BOD1L1: variants seen among roughly 807,000 people sequenced by gnomAD.
BOD1L1 encodes biorientation of chromosomes in cell division protein 1-like 1.
A neutral mutation model predicts 240.7 loss-of-function variants in BOD1L1; 86 were observed. The ratio of observed to expected loss-of-function variants is 0.36; its 90% confidence interval spans 0.30 to 0.43. The LOEUF is 0.43. BOD1L1 is among the 20% of genes least tolerant of loss of function. The pLI, the probability that BOD1L1 is intolerant of heterozygous loss-of-function variation, is 1.00. For missense variants in BOD1L1, 3,554 were observed against 3,643.5 expected (o/e 0.98, Z 0.63); for synonymous variants, 1,268 against 1,272.3 (o/e 1.00, Z 0.07).
intron 2 of BOD1L1, among the ~76,000 whole-genome samples, chr4:13,618,749 T>G (rs1422269057): frequency 6.6e-6 from 1 of 152,172 alleles, no homozygotes; most frequent in Non-Finnish European, 1.5e-5. Context: ...GGTGTGAATT[T>G]TGATTTGTGG....
In BOD1L1 at chr4:13,602,306, G is replaced by C. The variant is rs780599746; in HGVS notation, c.4594C>G (p.Pro1532Ala). Residue 1532 changes from proline to alanine, a missense_variant, in exon 10 of 26, where the codon CCA (proline) becomes GCA (alanine). Pro to Ala is a conservative substitution (Grantham distance 27). This residue lies in a region of BOD1L1 where 3,393 missense variants were observed against 3,427.1 expected (regional missense o/e 0.99). Transcript: ENST00000040738. ...GTTGTGGCAGGCCCAGCCTTCACTG[G>C]ACTTAAGGTGACATCTTTGTCCTTC... ...EGKDKDVTLSPVKAGPATTTS... is the reference protein window; with the variant it reads ...EGKDKDVTLSAVKAGPATTTS... 2 of 1,613,918 alleles carry C rather than the reference G, an allele frequency of 1.2e-6. No homozygotes were observed. The highest frequency in any genetic ancestry group is 1.7e-6 in the Non-Finnish European group (2 of 1,179,860).
chr4:13,608,153 G>C (rs1715862696), intron 8 of BOD1L1, among the ~76,000 whole-genome samples: 1 of 152,098 alleles, frequency 6.6e-6, no homozygotes, highest in Non-Finnish European at 1.5e-5. Flanking sequence ...GGAAAGACTG[G>C]AAATAATAAT....
chr4:13,597,029 GTA>G (rs1201412388), intron 11 of BOD1L1, 73 bp downstream of exon 11: 8 of 1,128,682 alleles, frequency 7.1e-6, no homozygotes, highest in African/African-American at 1.5e-5. Context: ...TACCACATAA[GTA>G]TATATATGTG....
chr4:13,626,888 C>T (rs993576995), intron 1 of BOD1L1, among the ~76,000 whole-genome samples: 7 of 152,184 alleles, frequency 4.6e-5, no homozygotes, highest in African/African-American at 1.7e-4. Context: ...TTTGCGCTCC[C>T]ACCCCCACGA....
chr4:13,614,238 T>C lies in BOD1L1; in HGVS notation c.1132A>G (p.Lys378Glu). ...EVESLKLPSEKNSNKAKTVEG... is the reference protein window; with the variant it reads ...EVESLKLPSEENSNKAKTVEG... Reference sequence around the variant, plus strand: ...ACAGTTTTAGCTTTATTACTGTTCTTTTCTGAAGGAAGTTTTAAACTCTCT... The same window carrying C: ...ACAGTTTTAGCTTTATTACTGTTCTCTTCTGAAGGAAGTTTTAAACTCTCT... Residue 378 changes from lysine to glutamate, a missense_variant, in exon 4 of 26, where the codon AAG becomes GAG. Lys to Glu is a moderately conservative substitution (Grantham distance 56). Transcript: ENST00000040738. The C allele has an allele frequency of 6.5e-7, 1 of 1,532,918 alleles. No homozygotes were observed. Among genetic ancestry groups the C allele is most frequent in the Middle Eastern group, 1.7e-4 (1 of 5,798 alleles). The allele number at this position is 1,532,918 out of a possible 1,614,324, so 95.0% of individuals were successfully genotyped here.
At chr4:13,615,637 T>G in intron 2 of BOD1L1, 135 bp from the exon 3 acceptor site, 1 of 836,228 alleles carries the variant, frequency 1.2e-6, no homozygotes, top group Non-Finnish European at 1.8e-6. Flanking sequence ...TCCATTTACT[T>G]GGATATAGAC....
intron 9 of BOD1L1, 67 bp downstream of exon 9, chr4:13,607,050 C>T (rs1265990117): frequency 6.7e-6 from 7 of 1,044,982 alleles, no homozygotes; most frequent in Non-Finnish European, 8.1e-6. Flanking sequence ...CTAAGTTTTA[C>T]TCCAAAGGAA....
At position 13,595,877 on chromosome 4, in the gene BOD1L1, C is replaced by A; in HGVS notation, c.8087G>T (p.Gly2696Val). ...ILAPPESLCG[G>V]KPSGIAELQR... is the part of the protein sequence containing the mutation. ...GAGCTCACCTATTCCACTTGGCTTT[C>A]CCCCACACAGACTTTCTGGTGGTGC... Residue 2696 changes from glycine (G) to valine (V), a missense_variant, in exon 12 of 26, where the codon GGA becomes GTA. Around this residue, in one of 2 missense-constraint regions of BOD1L1, gnomAD observed 3,393 missense variants for 3,427.1 expected, o/e 0.99. Transcript: ENST00000040738. The A allele has an allele frequency of 6.2e-7, 1 of 1,613,634 alleles. No homozygotes were observed. Among genetic ancestry groups the A allele is most frequent in the Non-Finnish European group, 8.5e-7 (1 of 1,179,754 alleles).
chr4:13,574,659 T>C (rs1032115216), intron 25 of BOD1L1, among the ~76,000 whole-genome samples: 1 of 152,146 alleles, frequency 6.6e-6, no homozygotes, highest in African/African-American at 2.4e-5. Context: ...TATACCCAAA[T>C]GCATGGGTGT....
At position 13,602,377 on chromosome 4, in the gene BOD1L1, C is replaced by G. The variant is rs1418531749; in HGVS notation, c.4523G>C (p.Gly1508Ala). Reference protein sequence around the residue: ...RNGQTEDVATGPRRAEKTSVA... With the variant: ...RNGQTEDVATAPRRAEKTSVA... ...AGAAGTCTTTTCTGCTCTCCTAGGC[C>G]CAGTTGCCACATCCTCAGTTTGTCC... Residue 1508 changes from glycine to alanine, a missense_variant, in exon 10 of 26, where the codon GGG (glycine) becomes GCG (alanine). Physicochemically the swap from Gly to Ala is moderately conservative, Grantham distance 60 (BLOSUM62 0). Transcript: ENST00000040738. 3.7e-6 allele frequency: 6 copies of G among 1,613,802 alleles called. No homozygotes were observed. Among genetic ancestry groups the G allele is most frequent in the Admixed American group, 1.7e-5 (1 of 60,002 alleles).
Position 13,573,442 on chromosome 4 carries a change from G to GTCTGTCTATCTATCTATCTA in BOD1L1, c.9039-3315_9039-3314insTAGATAGATAGATAGACAGA, listed in dbSNP as rs1384944208. The stretch of plus-strand genomic sequence containing the variant: ...TATCTGTCTGTCTGTCTGTCTGTCT[G>GTCTGTCTATCTATCTATCTA]TCTATCTATCTATCTATCTATCTAT... On this transcript the variant is annotated intron_variant, in intron 25 of 25. Transcript: ENST00000040738. Among the ~76,000 whole-genome samples the GTCTGTCTATCTATCTATCTA allele has an allele frequency of 2.2e-3, 269 of 120,836 alleles. 2 individuals carry two copies. Among genetic ancestry groups the GTCTGTCTATCTATCTATCTA allele is most frequent in the East Asian group, 7.5e-3 (32 of 4,280 alleles). The allele number at this position is 120,836 out of a possible 152,430, so 79.3% of individuals were successfully genotyped here. A position where few individuals can be genotyped will look rare whatever the true frequency, so the allele number is the denominator to read the frequency against.
intron 2 of BOD1L1, among the ~76,000 whole-genome samples, chr4:13,617,619 G>A (rs1318497005): frequency 6.6e-6 from 1 of 152,092 alleles, no homozygotes; most frequent in Non-Finnish European, 1.5e-5. Context: ...AGTTACCTAG[G>A]ATTTTCAGAT....
At position 13,614,907 on chromosome 4, in the gene BOD1L1, A is replaced by G. The variant is rs536580943; in HGVS notation, c.560-97T>C. On this transcript the variant is annotated intron_variant, in intron 3 of 25. Transcript: ENST00000040738. Reference sequence around the variant, plus strand: ...TGCCATTGTCATCTTTATATGATGCATATGCTGTGCAGACCATCTGTATAT... The same window carrying G: ...TGCCATTGTCATCTTTATATGATGCGTATGCTGTGCAGACCATCTGTATAT... The G allele has an allele frequency of 2.2e-5, 28 of 1,268,170 alleles. No homozygotes were observed. In the African/African-American group the frequency reaches 3.9e-4, roughly 18 times the overall value. The allele number at this position is 1,268,170 out of a possible 1,614,324, so 78.6% of individuals were successfully genotyped here.
intron 21 of BOD1L1, among the ~76,000 whole-genome samples, chr4:13,580,632 C>T (rs1713152598): frequency 6.6e-6 from 1 of 152,150 alleles, no homozygotes; most frequent in Non-Finnish European, 1.5e-5. Flanking sequence ...CTGCACTGAA[C>T]TCAGTGAATA....
intron 25 of BOD1L1, among the ~76,000 whole-genome samples, chr4:13,572,248 A>G (rs1712269542): frequency 6.6e-6 from 1 of 152,196 alleles, no homozygotes; most frequent in African/African-American, 2.4e-5. Flanking sequence ...TGGCTCAAGC[A>G]AAGGCAAGAA....
Position 13,576,862 on chromosome 4 carries a change from G to A in BOD1L1, c.9014C>T (p.Ser3005Phe). Residue 3005 changes from serine (S) to phenylalanine (F), a missense_variant, in exon 25 of 26, where the codon TCC (serine) becomes TTC (phenylalanine). Around this residue, in one of 2 missense-constraint regions of BOD1L1, gnomAD observed 3,393 missense variants for 3,427.1 expected, o/e 0.99. Transcript: ENST00000040738. ...CCTCTGAGCCTCTGATCTGGTGGTG[G>A]ATCTTGTGGTGGCTCCTGAAGGCTC... ...EDEPSGATTR[S>F]TTRSEAQRSK... The A allele has an allele frequency of 6.2e-7, 1 of 1,613,984 alleles. No homozygotes were observed. Among genetic ancestry groups the A allele is most frequent in the South Asian group, 1.1e-5 (1 of 91,080 alleles).
intron 25 of BOD1L1, among the ~76,000 whole-genome samples, chr4:13,573,473 T>TA (rs1560175474): frequency 0.024 from 2,621 of 110,832 alleles, 52 homozygotes; most frequent in African/African-American, 0.064. Context: ...TCTATCTATC[T>TA]TTCTTTCTTT....
rs143588519 is a variant in BOD1L1, at chr4:13,599,332, A to ATGC, written c.7565_7567dup (p.Ser2522dup). 2.9e-3 allele frequency: 4,677 copies of ATGC among 1,613,916 alleles called. 97 individuals carry two copies. The African/African-American group carries it at 0.051, about 18-fold the overall frequency. ...GGTGTTTACTGCTGCCAAATAGCGAATGCTGACAGAGGGATCCTTAGCCGT... is the reference window on the plus strand; with the variant it reads ...GGTGTTTACTGCTGCCAAATAGCGAATGCTGCTGACAGAGGGATCCTTAGCCGT... On this transcript the variant is annotated inframe_insertion, in exon 10 of 26. Transcript: ENST00000040738.
chr4:13,577,423 A>G lies in BOD1L1; in HGVS notation c.8864T>C (p.Leu2955Pro). The change falls in exon 24 of 26, where the codon CTC becomes CCC. Residue 2955 changes from leucine (L) to proline (P), a missense_variant. Leu to Pro is a moderately conservative substitution (Grantham distance 98). This residue lies in a region of BOD1L1 where 3,393 missense variants were observed against 3,427.1 expected (regional missense o/e 0.99). Transcript: ENST00000040738. ...CATACCAGCATCATCTGATACAGTG[A>G]GAGAACGTTTGGGTTTTCTTCCTCT... ...RRRGRKPKRSLTVSDDAESSE... is the reference protein window; with the variant it reads ...RRRGRKPKRSPTVSDDAESSE... The G allele has an allele frequency of 6.2e-7, 1 of 1,613,722 alleles. No individual in the cohort carries two copies.
Sources: allele counts gnomAD v4.1 joint callset (sites outside exome capture counted in the v4.1 genomes callset), GRCh38; gene constraint gnomAD v4.1.1; regional missense constraint gnomAD v4.1.1; transcripts MANE v1.5; gene names NCBI Gene and HGNC (gene_info 2026-07-23, HGNC 2026-07-21).